Variants in TTC3 observed in about 807,000 individuals in gnomAD.
The protein encoded by TTC3 is tetratricopeptide repeat domain 3.
Under a neutral mutation model 249.6 loss-of-function variants are expected in TTC3, and 180 were observed. That is an observed-to-expected ratio of 0.72 (90% confidence interval 0.64 to 0.82). The LOEUF is 0.82. Ranked by LOEUF, TTC3 falls within the 40% of genes least tolerant of loss-of-function variation. TTC3 has a pLI of 0.00. For synonymous variants in TTC3, 717 were observed against 805.0 expected (o/e 0.89, Z 1.85); for missense variants, 2,061 against 2,398.4 (o/e 0.86, Z 2.94).
At chr21:37,148,407 T>C (rs2079164011) in intron 22 of TTC3, 139 bp from the exon 23 acceptor site, 2 of 452,560 alleles carry the variant, frequency 4.4e-6, no homozygotes, top group East Asian at 3.6e-5. Context: ...ATATTTGATA[T>C]ATTTTGAAGA....
intron 19 of TTC3, 69 bp from the exon 20 acceptor site, chr21:37,140,492 C>G (rs1324893264): frequency 1.8e-6 from 2 of 1,115,710 alleles, no homozygotes; most frequent in Non-Finnish European, 2.5e-6. Flanking sequence ...AAAAATCAAC[C>G]TTTAGATAAA....
intron 25 of TTC3, 24 bp from the exon 26 acceptor site, chr21:37,151,869 T>C: frequency 6.4e-7 from 1 of 1,552,222 alleles, no homozygotes; most frequent in East Asian, 2.3e-5. Context: ...CATTGAGTTG[T>C]CACTAATTGT....
Position 37,144,141 on chromosome 21 carries a change from T to G in TTC3, c.1773-384T>G, listed in dbSNP as rs1371998095. Among the ~76,000 whole-genome samples the G allele has an allele frequency of 2.6e-5, 4 of 151,254 alleles. 1 individual carries two copies. In the East Asian group the frequency reaches 7.8e-4, roughly 29 times the overall value. ...ATAGCATTAGGAGATATACCTAAGG[T>G]AAAGGACCAGTTAATGGGTGCAGCA... On this transcript the variant is annotated intron_variant, in intron 20 of 45. Transcript: ENST00000355666.
chr21:37,126,043 T>G (rs2147891000), intron 14 of TTC3, 37 bp from the exon 15 acceptor site: 2 of 1,364,722 alleles, frequency 1.5e-6, no homozygotes, highest in South Asian at 1.4e-5. Context: ...GCTGGGTTGT[T>G]TTTTTTTTTT....
At chr21:37,171,618 TA>T (rs2081796868) in intron 34 of TTC3, among the ~76,000 whole-genome samples, 1 of 152,198 alleles carries the variant, frequency 6.6e-6, no homozygotes, top group Non-Finnish European at 1.5e-5. Flanking sequence ...ACTAAAGTCT[TA>T]AACCATAAAG....
intron 20 of TTC3, among the ~76,000 whole-genome samples, chr21:37,143,202 TA>T (rs2078656878): frequency 6.6e-6 from 1 of 152,112 alleles, no homozygotes; most frequent in Non-Finnish European, 1.5e-5. Context: ...ACTTCATGTC[TA>T]AAACACCAAA....
intron 10 of TTC3, among the ~76,000 whole-genome samples, chr21:37,104,243 G>A (rs2074824406): frequency 6.6e-6 from 1 of 152,152 alleles, no homozygotes; most frequent in Non-Finnish European, 1.5e-5. Context: ...TGCTGGAAGA[G>A]GAATAAATTT....
intron 10 of TTC3, among the ~76,000 whole-genome samples, chr21:37,097,174 C>G (rs556433736): frequency 5.6e-4 from 85 of 152,148 alleles, no homozygotes; most frequent in African/African-American, 2.0e-3. Context: ...AGAGTGGAGT[C>G]ATAATTAATT....
chr21:37,113,817 A>C (rs900669744), intron 11 of TTC3, among the ~76,000 whole-genome samples: 2 of 152,252 alleles, frequency 1.3e-5, no homozygotes, highest in Non-Finnish European at 2.9e-5. Context: ...CTAAAACAGC[A>C]TGTTACTGGT....
chr21:37,154,726 C>T (rs928103494), intron 27 of TTC3, among the ~76,000 whole-genome samples: 8 of 152,046 alleles, frequency 5.3e-5, no homozygotes, highest in East Asian at 1.9e-4. Context: ...GACAGAGTGT[C>T]GCTCTGTTGC....
At chr21:37,186,635 T>G (rs1283984660) in intron 37 of TTC3, among the ~76,000 whole-genome samples, 1 of 152,154 alleles carries the variant, frequency 6.6e-6, no homozygotes, top group Non-Finnish European at 1.5e-5. Flanking sequence ...CCATGCTGTC[T>G]AGGCTGGTCT....
intron 1 of TTC3, chr21:37,082,902 A>G: frequency 1.0e-6 from 1 of 980,140 alleles, no homozygotes; most frequent in Non-Finnish European, 1.2e-6. Flanking sequence ...TGATACCAAC[A>G]TTTCCATTAA....
At chr21:37,138,753 T>G (rs776634426) in intron 19 of TTC3, 39 bp downstream of exon 19, 12 of 1,354,388 alleles carry the variant, frequency 8.9e-6, no homozygotes, top group Non-Finnish European at 1.0e-5. Flanking sequence ...ATTAAAATGA[T>G]ATTGACATAT....
chr21:37,196,702 A>C (rs1019030127), intron 42 of TTC3, among the ~76,000 whole-genome samples: 1 of 152,130 alleles, frequency 6.6e-6, no homozygotes, highest in Non-Finnish European at 1.5e-5. Context: ...ATTTTGCATC[A>C]TTTGGGGGGA....
At chr21:37,096,178 T>G (rs1288167357) in intron 9 of TTC3, among the ~76,000 whole-genome samples, 1 of 152,244 alleles carries the variant, frequency 6.6e-6, no homozygotes, top group African/African-American at 2.4e-5. Flanking sequence ...AATGAAGCTA[T>G]TTTAATTTGC....
intron 1 of TTC3, chr21:37,073,393 C>T: frequency 1.0e-6 from 1 of 986,332 alleles, no homozygotes; most frequent in Non-Finnish European, 1.2e-6. Context: ...CGCTGCCGGG[C>T]TCCCGGATGT....
chr21:37,165,540 T>A lies in TTC3; in HGVS notation c.3336-10T>A. 6.4e-7 allele frequency: 1 copy of A among 1,571,802 alleles called. No individual in the cohort carries two copies. The highest frequency in any genetic ancestry group is 2.3e-5 in the East Asian group (1 of 44,392). ...TATAGTAACTCATGTAAATGTAAAT[T>A]TTTTCCAAGTTACTTCTCTCAGTTT... On this transcript the variant is annotated splice_polypyrimidine_tract_variant and intron_variant, in intron 32 of 45. Transcript: ENST00000355666.
At chr21:37,192,045 T>C (rs564813370) in intron 40 of TTC3, 67 bp from the exon 41 acceptor site, 8 of 957,194 alleles carry the variant, frequency 8.4e-6, no homozygotes, top group African/African-American at 6.6e-5. Flanking sequence ...TCATTTATAA[T>C]GTGTAGGAAG....
chr21:37,099,169 A>G (rs934630450), intron 10 of TTC3: 1 of 152,248 alleles, frequency 6.6e-6, no homozygotes, highest in Non-Finnish European at 1.5e-5. Context: ...AGAAAATATA[A>G]GTTGAAACTT....
Sources: gnomAD v4.1 joint callset for allele counts (sites outside exome capture counted in the v4.1 genomes callset) on GRCh38, gnomAD v4.1.1 for gene constraint, MANE v1.5 for transcripts, NCBI Gene and HGNC (gene_info 2026-07-23, HGNC 2026-07-21) for gene names.